DENND2B: variants seen among roughly 807,000 people sequenced by gnomAD.
DENND2B encodes DENN domain containing 2B.
In DENND2B, 32 loss-of-function variants were observed where a neutral mutation model predicts 116.0. The observed-to-expected ratio is 0.28, with a 90% CI of 0.21 to 0.37. The LOEUF is 0.37. Among genes scored for constraint, DENND2B ranks in the 10% least tolerant of loss-of-function variants. The pLI, the probability that DENND2B is intolerant of heterozygous loss-of-function variation, is 1.00. For missense variants in DENND2B, 1,276 were observed against 1,477.7 expected (o/e 0.86, Z 2.24); for synonymous variants, 588 against 583.9 (o/e 1.01, Z -0.10).
In DENND2B at chr11:8,889,181, G is replaced by A. The variant is rs144772913; in HGVS notation, c.-255-8072C>T. Among the ~76,000 whole-genome samples the A allele has an allele frequency of 3.9e-4, 59 of 152,324 alleles. No homozygotes were observed. In the East Asian group the frequency reaches 9.6e-3, roughly 25 times the overall value. On this transcript the variant is annotated intron_variant, in intron 1 of 22. Coordinates refer to the DENND2B transcript ENST00000534127. ...GCTAAAATGTGGAAGCAACAAAAATGTCCATCAATGGATGAATGGATAAGC... is the reference window on the plus strand; with the variant it reads ...GCTAAAATGTGGAAGCAACAAAAATATCCATCAATGGATGAATGGATAAGC...
intron 2 of DENND2B, among the ~76,000 whole-genome samples, chr11:8,869,598 G>A (rs940587929): frequency 1.3e-5 from 2 of 151,892 alleles, no homozygotes; most frequent in Non-Finnish European, 2.9e-5. Flanking sequence ...GGAGGCGGGG[G>A]TTGCAGTGAG....
At chr11:8,737,023 G>T (rs374412626) in intron 2 of DENND2B, among the ~76,000 whole-genome samples, 1 of 152,174 alleles carries the variant, frequency 6.6e-6, no homozygotes, top group East Asian at 1.9e-4. Flanking sequence ...GAAGGGTACT[G>T]GTAGAGACGG....
At chr11:8,903,079 C>T (rs1377833233) in intron 1 of DENND2B, among the ~76,000 whole-genome samples, 3 of 152,124 alleles carry the variant, frequency 2.0e-5, no homozygotes, top group East Asian at 1.9e-4. Context: ...AGGATGGTCT[C>T]GATCTCTTGA....
chr11:8,724,062 G>A (rs754629963), intron 4 of DENND2B, among the ~76,000 whole-genome samples: 1 of 152,136 alleles, frequency 6.6e-6, no homozygotes, highest in Admixed American at 6.5e-5. Context: ...TTGGGAGACC[G>A]AGGCAGGCGG....
At chr11:8,901,173 G>T (rs1254802625) in intron 1 of DENND2B, among the ~76,000 whole-genome samples, 1 of 149,328 alleles carries the variant, frequency 6.7e-6, no homozygotes, top group Admixed American at 6.6e-5. Flanking sequence ...GCTTCCTTTG[G>T]GTTTAGTTTG....
At chr11:8,792,465 C>T (rs563876220) in intron 1 of DENND2B, among the ~76,000 whole-genome samples, 1 of 151,806 alleles carries the variant, frequency 6.6e-6, no homozygotes, top group East Asian at 1.9e-4. Context: ...ATGTGAAAGG[C>T]AAATAATTAG....
rs546475907 is a variant in DENND2B, at chr11:8,885,644, A to G, written c.-255-4535T>C. ...AACATTTAGAAACAAATTGGCTCCC[A>G]ATAAGGAATAAAAATGTTGAGTAAC... On this transcript the variant is annotated intron_variant, in intron 1 of 22. Coordinates refer to the DENND2B transcript ENST00000534127. Among the ~76,000 whole-genome samples the G allele has an allele frequency of 2.6e-5, 4 of 152,252 alleles. No homozygotes were observed. The South Asian group carries it at 6.2e-4, about 24-fold the overall frequency.
chr11:8,841,423 G>C (rs1594198371), intron 3 of DENND2B, among the ~76,000 whole-genome samples: 1 of 152,252 alleles, frequency 6.6e-6, no homozygotes, highest in Non-Finnish European at 1.5e-5. Flanking sequence ...AGGATCGCTT[G>C]AGCTCAGGAG....
At chr11:8,705,670 C>T (rs1220126837) in intron 13 of DENND2B, among the ~76,000 whole-genome samples, 1 of 152,226 alleles carries the variant, frequency 6.6e-6, no homozygotes, top group Admixed American at 6.5e-5. Context: ...CCTTCACGAG[C>T]TCCCATCTCA....
chr11:8,718,906 G>A, intron 4 of DENND2B: 1 of 989,724 alleles, frequency 1.0e-6, no homozygotes, highest in South Asian at 4.6e-5. Flanking sequence ...GTCAGTCCTA[G>A]CTCAATCCTG....
rs980316262 is a variant in DENND2B at position 8,717,813 on chromosome 11, A to G, written c.1557T>C (p.Ser519=). ...TGTGCAAAGAGTCCAAGGAGTTCTCAGACAGTTGCTGGGATTTTCGTCCTG... is the reference window on the plus strand; with the variant it reads ...TGTGCAAAGAGTCCAAGGAGTTCTCGGACAGTTGCTGGGATTTTCGTCCTG... ...RRAGRKSQQL[S]ENSLDSLHRM... is the part of the protein sequence containing the mutation. Residue 519 remains serine, a synonymous_variant, in exon 5 of 20, where the codon TCT becomes TCC. Transcript: ENST00000313726. The G allele has an allele frequency of 3.7e-6, 6 of 1,613,316 alleles. No individual in the cohort carries two copies. Among genetic ancestry groups the G allele is most frequent in the Non-Finnish European group, 5.1e-6 (6 of 1,179,472 alleles).
At chr11:8,708,019 C>A (rs1054354537) in intron 11 of DENND2B, 165 bp from the exon 12 acceptor site, 104 of 1,525,198 alleles carry the variant, frequency 6.8e-5, no homozygotes, top group Non-Finnish European at 8.2e-5. Flanking sequence ...CCTGAAGGAA[C>A]AGCCACCACT....
At chr11:8,785,464 T>C (rs2058815142) in intron 1 of DENND2B, 1 of 152,234 alleles carries the variant, frequency 6.6e-6, no homozygotes, top group African/African-American at 2.4e-5. Flanking sequence ...TTCATGAAGG[T>C]AGTCGCCTCC....
intron 14 of DENND2B, chr11:8,700,052 C>A (rs770995984): frequency 6.9e-6 from 3 of 436,092 alleles, no homozygotes; most frequent in Middle Eastern, 3.3e-4. Flanking sequence ...CACAGCCCCA[C>A]GGGAGCTGGC....
At chr11:8,699,850 G>C (rs148381654) in intron 14 of DENND2B, 128 of 456,636 alleles carry the variant, frequency 2.8e-4, no homozygotes, top group Middle Eastern at 1.3e-3. Flanking sequence ...GAGCTGGCTG[G>C]ACCTACCCCT....
intron 3 of DENND2B, among the ~76,000 whole-genome samples, chr11:8,851,675 T>C (rs1357448568): frequency 6.6e-6 from 1 of 152,174 alleles, no homozygotes; most frequent in Non-Finnish European, 1.5e-5. Context: ...CACTAAAATA[T>C]GGGTATAAGG....
chr11:8,853,793 G>T (rs753078325), intron 3 of DENND2B, among the ~76,000 whole-genome samples: 15 of 152,076 alleles, frequency 9.9e-5, no homozygotes, highest in Non-Finnish European at 1.9e-4. Flanking sequence ...TTCTCTGGGT[G>T]TTGGGAAAGT....
rs543997378 is a variant in DENND2B, at chr11:8,889,585, A to G, written c.-255-8476T>C. 4.9e-4 allele frequency among the ~76,000 whole-genome samples: 75 copies of G among 152,362 alleles called. 2 individuals are homozygous for G. In the South Asian group the frequency reaches 8.5e-3, roughly 17 times the overall value. ...CAATGGTCTTAGCAAACGGCACAAC[A>G]GGAGATTATATCCCGCACATGGCTC... On this transcript the variant is annotated intron_variant, in intron 1 of 22. Transcript: ENST00000534127.
At chr11:8,875,808 A>C (rs2063835074), upstream of DENND2B, among the ~76,000 whole-genome samples, 1 of 152,180 alleles carries the variant, frequency 6.6e-6, no homozygotes, top group Non-Finnish European at 1.5e-5. Context: ...GTTTAAAAAT[A>C]TATAAATGAT....
Sources: allele counts gnomAD v4.1 joint callset (sites outside exome capture counted in the v4.1 genomes callset), GRCh38; gene constraint gnomAD v4.1.1; transcripts MANE v1.5; gene names NCBI Gene and HGNC (gene_info 2026-07-23, HGNC 2026-07-21).